The following DDX4 variants were observed in gnomAD, a reference collection of about 807,000 sequenced individuals.
DDX4 encodes the protein DEAD-box helicase 4.
Under a neutral mutation model 100.0 loss-of-function variants are expected in DDX4, and 25 were observed. The observed-to-expected ratio is 0.25, with a 90% confidence interval of 0.18 to 0.35. The LOEUF is 0.35. Ranked by LOEUF, DDX4 falls within the 10% of genes least tolerant of loss-of-function variation. DDX4 has a pLI of 1.00. For missense variants in DDX4, 635 were observed against 882.4 expected, an observed-to-expected ratio of 0.72 and a Z score of 3.55; for synonymous variants, 259 against 275.7, an observed-to-expected ratio of 0.94 and a Z score of 0.60.
intron 14 of DDX4, 54 bp from the exon 15 acceptor site, chr5:55,787,792 T>C (rs1435376787): frequency 4.5e-6 from 7 of 1,567,148 alleles, no homozygotes; most frequent in Middle Eastern, 1.7e-4. Flanking sequence ...TAGCTTTCCA[T>C]AGGGATAAAA....
At chr5:55,750,915 C>T (rs1368265801) in intron 3 of DDX4, among the ~76,000 whole-genome samples, 1 of 152,064 alleles carries the variant, frequency 6.6e-6, no homozygotes, top group Non-Finnish European at 1.5e-5. Flanking sequence ...CCCATTCTTC[C>T]TCCATGATAG....
intron 3 of DDX4, among the ~76,000 whole-genome samples, chr5:55,751,764 G>A (rs1388738312): frequency 6.6e-6 from 1 of 152,020 alleles, no homozygotes; most frequent in Non-Finnish European, 1.5e-5. Context: ...CTTTGTTCAT[G>A]GTATGCCTTA....
At chr5:55,780,196 T>G in intron 8 of DDX4, 131 bp downstream of exon 8, 1 of 1,352,922 alleles carries the variant, frequency 7.4e-7, no homozygotes. Flanking sequence ...TAATACACAT[T>G]AATCACCACA....
In DDX4 at chr5:55,816,533, G is replaced by A. The variant is rs1180343938; in HGVS notation, c.2168G>A (p.Trp723Ter). 1.2e-6 allele frequency: 2 copies of A among 1,612,660 alleles called. No homozygotes were observed. The highest frequency in any genetic ancestry group is 1.7e-6 in the Non-Finnish European group (2 of 1,179,436). ...QAPNPVDDES[W>*]D is the part of the protein sequence containing the mutation. ...CCCAATCCAGTAGATGATGAGTCAT[G>A]GGATTAAAGCCAAAACATCCTTCAA... is the stretch of plus-strand genomic sequence containing the variant. Residue 723 changes from tryptophan to a stop codon, truncating the protein, a stop_gained, in exon 22 of 22, where the codon TGG becomes TAG. Coordinates refer to ENST00000505374, the MANE Select transcript of DDX4 (RefSeq NM_024415.3). LOFTEE classifies it high-confidence loss of function.
chr5:55,763,879 T>C (rs1740723762), intron 5 of DDX4, 135 bp from the exon 6 acceptor site: 1 of 616,484 alleles, frequency 1.6e-6, no homozygotes, highest in Non-Finnish European at 2.9e-6. Flanking sequence ...ACAGCCTGAG[T>C]GAATTTGCAT....
intron 17 of DDX4, among the ~76,000 whole-genome samples, chr5:55,794,165 T>C (rs1310996726): frequency 2.6e-5 from 4 of 151,626 alleles, no homozygotes; most frequent in African/African-American, 4.8e-5. Context: ...TTCTTAACAA[T>C]TGAATAGTAT....
intron 3 of DDX4, among the ~76,000 whole-genome samples, chr5:55,758,618 TC>T (rs1561485930): frequency 1.3e-5 from 2 of 152,100 alleles, no homozygotes; most frequent in Non-Finnish European, 2.9e-5. Context: ...GAGTCAATTT[TC>T]TAGGAACTTT....
chr5:55,780,880 G>GGTTTAATAGAATAGTTTAACTTA (rs1433025289), intron 8 of DDX4, among the ~76,000 whole-genome samples, 186 bp from the exon 9 acceptor site: 1 of 152,080 alleles, frequency 6.6e-6, no homozygotes, highest in Non-Finnish European at 1.5e-5. Context: ...AGTTTAACTT[G>GGTTTAATAGAATAGTTTAACTTA]GTTTAATAGA....
chr5:55,797,700 G>A (rs1475114240), intron 17 of DDX4, among the ~76,000 whole-genome samples: 5 of 152,184 alleles, frequency 3.3e-5, no homozygotes, highest in African/African-American at 1.2e-4. Context: ...TTTCTCATTA[G>A]CAACTTTGTC....
intron 6 of DDX4, among the ~76,000 whole-genome samples, chr5:55,765,396 A>T: frequency 2.1e-5 from 2 of 96,990 alleles, no homozygotes; most frequent in South Asian, 7.1e-4. Context: ...TAGTTCCCCT[A>T]AAAAAAAAAA....
At chr5:55,767,070 C>A in intron 6 of DDX4, 2 of 1,392,462 alleles carry the variant, frequency 1.4e-6, no homozygotes, top group South Asian at 1.5e-5. Context: ...TAGGATATCC[C>A]CAAATTATTT....
At chr5:55,752,149 TTTTTA>T (rs1210737431) in intron 3 of DDX4, among the ~76,000 whole-genome samples, 39 of 152,146 alleles carry the variant, frequency 2.6e-4, no homozygotes, top group African/African-American at 8.2e-4. Flanking sequence ...GTCTTAACCA[TTTTTA>T]TTTTATTTAT....
At chr5:55,794,459 C>A (rs767051478) in intron 17 of DDX4, among the ~76,000 whole-genome samples, 1 of 151,898 alleles carries the variant, frequency 6.6e-6, no homozygotes, top group Non-Finnish European at 1.5e-5. Flanking sequence ...CTCAGCCTCC[C>A]AGAGTGCTGG....
chr5:55,789,771 G>A (rs1742444384), intron 15 of DDX4, among the ~76,000 whole-genome samples: 1 of 152,172 alleles, frequency 6.6e-6, no homozygotes, highest in African/African-American at 2.4e-5. Context: ...CTGTGTGACT[G>A]GACAGGTTGC....
intron 3 of DDX4, among the ~76,000 whole-genome samples, chr5:55,758,455 G>A (rs908061304): frequency 6.6e-6 from 1 of 152,062 alleles, no homozygotes; most frequent in Non-Finnish European, 1.5e-5. Flanking sequence ...TGGAAGAGTT[G>A]TATGACAGTT....
At chr5:55,785,146 T>G (rs1419316211) in intron 10 of DDX4, 151 bp from the exon 11 acceptor site, 7 of 655,826 alleles carry the variant, frequency 1.1e-5, no homozygotes, top group Non-Finnish European at 1.9e-5. Flanking sequence ...AAACTAAAAA[T>G]GTACAAGGTT....
intron 3 of DDX4, among the ~76,000 whole-genome samples, chr5:55,755,499 CTT>C (rs892866664): frequency 1.5e-4 from 23 of 152,016 alleles, no homozygotes; most frequent in Non-Finnish European, 2.9e-4. Flanking sequence ...TTACGTGACT[CTT>C]TTATTGTACT....
At chr5:55,739,763 A>G (rs1758875938) in intron 2 of DDX4, among the ~76,000 whole-genome samples, 2 of 152,186 alleles carry the variant, frequency 1.3e-5, no homozygotes, top group South Asian at 4.1e-4. Context: ...TTAGACAAAA[A>G]TATAAAATAT....
At chr5:55,765,409 A>ATATATATATATATATATATAT (rs1416478232) in intron 6 of DDX4, among the ~76,000 whole-genome samples, 2 of 104,798 alleles carry the variant, frequency 1.9e-5, no homozygotes, top group East Asian at 2.9e-4. Context: ...AAAAAAAAAA[A>ATATATATATATATATATATAT]AAAAATATAT....
Sources: gnomAD v4.1 joint callset for allele counts (sites outside exome capture counted in the v4.1 genomes callset) on GRCh38, gnomAD v4.1.1 for gene constraint, MANE v1.5 for transcripts, NCBI Gene and HGNC (gene_info 2026-07-23, HGNC 2026-07-21) for gene names.